The following TCF20 variants were observed in gnomAD, a reference collection of about 807,000 sequenced individuals.
TCF20 encodes the protein SPRE-binding protein.
In TCF20, 3 loss-of-function variants were observed where a neutral mutation model predicts 148.6. That is an observed-to-expected ratio of 0.02 (90% CI 0.01 to 0.05). TCF20 has a LOEUF of 0.05. Among genes scored for constraint, TCF20 ranks in the 10% least tolerant of loss-of-function variants. The probability of loss-of-function intolerance (pLI) is 1.00; values close to 1 mark genes in which losing one functional copy is unlikely to be tolerated. For synonymous variants in TCF20, 1,049 were observed against 909.5 expected, an observed-to-expected ratio of 1.15 and a Z score of -2.76; for missense variants, 2,350 against 2,429.3, an observed-to-expected ratio of 0.97 and a Z score of 0.69.
intron 1 of TCF20, among the ~76,000 whole-genome samples, chr22:42,300,054 C>T (rs1327523394): frequency 6.6e-6 from 1 of 152,138 alleles, no homozygotes; most frequent in African/African-American, 2.4e-5. Flanking sequence ...TGGTTCCTTT[C>T]GTTCCTTCGT....
chr22:42,216,079 CTTTTTTTTTTTTTTTT>C (rs759118027), intron 1 of TCF20, among the ~76,000 whole-genome samples: 3 of 50,564 alleles, frequency 5.9e-5, no homozygotes, highest in Non-Finnish European at 1.1e-4. Flanking sequence ...AAACCAAATC[CTTTTTTTTTTTTTTTT>C]TTTTTTTTTT....
Position 42,214,566 on chromosome 22 carries a change from AAGGAGGAGG to A in TCF20, c.731_739del (p.Ser244_Ser246del). On this transcript the variant is annotated inframe_deletion, in exon 2 of 6. Transcript: ENST00000677622. Reference sequence around the variant, plus strand: ...CTGGCTAAAACGCTGTGGTGAAGGGAAGGAGGAGGAGGAGGAGGAGGAAGCAGAAGACTG... The same window carrying A: ...CTGGCTAAAACGCTGTGGTGAAGGGAAGGAGGAGGAGGAAGCAGAAGACTG... 6.2e-7 allele frequency: 1 copy of A among 1,613,550 alleles called. No homozygotes were observed. The highest frequency in any genetic ancestry group is 8.5e-7 in the Non-Finnish European group (1 of 1,179,776).
intron 1 of TCF20, among the ~76,000 whole-genome samples, chr22:42,233,494 T>C (rs773032026): frequency 1.3e-5 from 2 of 152,230 alleles, no homozygotes; most frequent in Non-Finnish European, 2.9e-5. Flanking sequence ...TAATACCAGC[T>C]TTGCTGACAT....
chr22:42,262,468 A>G (rs910484905), intron 1 of TCF20, among the ~76,000 whole-genome samples: 10 of 152,132 alleles, frequency 6.6e-5, no homozygotes, highest in Non-Finnish European at 1.2e-4. Flanking sequence ...AGAGTTTGTG[A>G]GGAATAAGTG....
Position 42,325,356 on chromosome 22 carries a change from G to A in TCF20, c.-37+18123C>T, listed in dbSNP as rs966107483. On this transcript the variant is annotated intron_variant, in intron 1 of 1. Coordinates refer to the TCF20 transcript ENST00000515426. ...ACCTCCAGGAAAAGTGCCTCTGCCCGGTGGCCCCCACTCAGCCACTCCTCA... is the reference window on the plus strand; with the variant it reads ...ACCTCCAGGAAAAGTGCCTCTGCCCAGTGGCCCCCACTCAGCCACTCCTCA... Among the ~76,000 whole-genome samples, 6 of 152,198 alleles carry A rather than the reference G, an allele frequency of 3.9e-5. No homozygotes were observed. In the East Asian group the frequency reaches 5.8e-4, roughly 15 times the overall value.
chr22:42,213,421 C>G lies in TCF20; in HGVS notation c.1885G>C (p.Glu629Gln), dbSNP rs771512200. 1 of 1,614,224 alleles carries G rather than the reference C, an allele frequency of 6.2e-7. No homozygotes were observed. Among genetic ancestry groups the G allele is most frequent in the Admixed American group, 1.7e-5 (1 of 60,024 alleles). Residue 629 changes from glutamate (E) to glutamine (Q), a missense_variant, in exon 2 of 6, where the codon GAG (glutamate) becomes CAG (glutamine). Glu to Gln is a conservative substitution (Grantham distance 29). This residue lies in a region of TCF20 where 1,641 missense variants were observed against 1,662.6 expected (regional missense o/e 0.99). Transcript: ENST00000677622. ...CTTTGAGTGGCTGCAGGATCATCCT[C>G]TTGGGAGCCTTTATCTTGTCCACCA... ...KPGGQDKGSQ[E>Q]DDPAATQRPP...
At chr22:42,208,859 C>T (rs1405055360) in intron 2 of TCF20, among the ~76,000 whole-genome samples, 1 of 152,308 alleles carries the variant, frequency 6.6e-6, no homozygotes, top group East Asian at 1.9e-4. Flanking sequence ...CATCAGCGTA[C>T]ATAAGATCTC....
intron 2 of TCF20, among the ~76,000 whole-genome samples, chr22:42,200,485 T>C (rs974167645): frequency 6.6e-6 from 1 of 151,804 alleles, no homozygotes; most frequent in Non-Finnish European, 1.5e-5. Context: ...TACTAAAAAA[T>C]ACAAAAATTA....
rs541928744 is a variant in TCF20, at chr22:42,161,274, G to A, written c.*129C>T. 1.4e-4 allele frequency: 218 copies of A among 1,603,952 alleles called. 1 individual carries two copies. In the Middle Eastern group the frequency reaches 2.2e-3, roughly 16 times the overall value. ...GGCAGGCACGCGGGCGGGGCGGGGC[G>A]GGGCAGGGCAGGGTGTGGCTGCACG... On this transcript the variant is annotated 3_prime_UTR_variant, in exon 6 of 6. Coordinates refer to ENST00000677622, the MANE Select transcript of TCF20 (RefSeq NM_001378418.1).
intron 1 of TCF20, among the ~76,000 whole-genome samples, chr22:42,308,326 C>A (rs188965345): frequency 6.6e-6 from 1 of 152,062 alleles, no homozygotes; most frequent in African/African-American, 2.4e-5. Flanking sequence ...GGTTTGGAGG[C>A]GCTTCCTGGA....
At chr22:42,209,451 A>G (rs1287325023) in intron 2 of TCF20, among the ~76,000 whole-genome samples, 200 bp downstream of exon 2, 1 of 152,232 alleles carries the variant, frequency 6.6e-6, no homozygotes. Context: ...CATAAGCATT[A>G]TACATTTCAA....
At chr22:42,320,180 C>T (rs1927706396) in intron 1 of TCF20, among the ~76,000 whole-genome samples, 1 of 152,210 alleles carries the variant, frequency 6.6e-6, no homozygotes. Flanking sequence ...CGCCTTCTGG[C>T]TGTTTCTCAA....
chr22:42,281,268 GA>G (rs1247016557), intron 1 of TCF20, among the ~76,000 whole-genome samples: 2 of 152,216 alleles, frequency 1.3e-5, no homozygotes, highest in African/African-American at 4.8e-5. Flanking sequence ...AAGGCAGCCT[GA>G]GAGAGGCTGG....
chr22:42,226,078 G>A (rs1473122127), intron 1 of TCF20, among the ~76,000 whole-genome samples: 22 of 152,080 alleles, frequency 1.4e-4, no homozygotes. Flanking sequence ...CCCTATCCTG[G>A]CCCCACCCCC....
chr22:42,309,097 G>C (rs1283514607), intron 1 of TCF20, among the ~76,000 whole-genome samples: 1 of 152,122 alleles, frequency 6.6e-6, no homozygotes, highest in African/African-American at 2.4e-5. Context: ...GCCACAGAGA[G>C]GCTGGCCTGG....
At position 42,254,959 on chromosome 22, in the gene TCF20, C is replaced by CA. The variant is rs10625678; in HGVS notation, c.-37+15379dup. 1.0e-2 allele frequency among the ~76,000 whole-genome samples: 625 copies of CA among 62,760 alleles called. 36 individuals are homozygous for CA. The highest frequency in any genetic ancestry group is 0.036 in the African/African-American group (380 of 10,444). The allele number at this position is 62,760 out of a possible 152,430, so 41.2% of individuals were successfully genotyped here. A position where few individuals can be genotyped will look rare whatever the true frequency, so the allele number is the denominator to read the frequency against. ...TGGGTGACACAGCAAGACTCCGTCT[C>CA]AAAAAAAAAAAAAAAAAAAAGGTAG... On this transcript the variant is annotated intron_variant, in intron 1 of 5. Coordinates refer to ENST00000677622, the MANE Select transcript of TCF20 (RefSeq NM_001378418.1).
chr22:42,304,459 G>A lies in TCF20; in HGVS notation c.-37+39020C>T, dbSNP rs554731478. On this transcript the variant is annotated intron_variant, in intron 1 of 1. Transcript: ENST00000515426. ...GCCCCACATCCCCCAGCCTTTCCCC[G>A]CAGAGCCCTCCCAACTCACTGAGAG... is the stretch of plus-strand genomic sequence containing the variant. Among the ~76,000 whole-genome samples the A allele has an allele frequency of 6.6e-5, 10 of 152,258 alleles. 1 individual carries two copies. Among genetic ancestry groups the A allele is most frequent in the Admixed American group, 3.3e-4 (5 of 15,294 alleles).
rs1927117249 is a variant in TCF20 at position 42,290,667 on chromosome 22, C to T, written c.-37+52812G>A. On this transcript the variant is annotated intron_variant, in intron 1 of 1. Transcript: ENST00000515426. The surrounding 1 kb of genome is among the most constrained non-coding windows in gnomAD (Gnocchi z 4.2). Reference sequence around the variant, plus strand: ...GTGCCCCTGAGCCCACTCGCTGTGGCTGCAGCATACACCGCTGGGCCTGCC... The same window carrying T: ...GTGCCCCTGAGCCCACTCGCTGTGGTTGCAGCATACACCGCTGGGCCTGCC... Among the ~76,000 whole-genome samples the T allele has an allele frequency of 2.0e-5, 3 of 152,176 alleles. No individual in the cohort carries two copies. The highest frequency in any genetic ancestry group is 4.4e-5 in the Non-Finnish European group (3 of 68,018).
Position 42,213,605 on chromosome 22 carries a change from T to C in TCF20, c.1701A>G (p.Glu567=). The change falls in exon 2 of 6, where the codon GAA becomes GAG. Residue 567 remains glutamate (E), a synonymous_variant. Coordinates refer to ENST00000677622, the MANE Select transcript of TCF20 (RefSeq NM_001378418.1). Reference sequence around the variant, plus strand: ...CAGGACTAGCATTGAGTCTGGGGGGTTCATTCTGAGCACCTTGTGCCGGTG... The same window carrying C: ...CAGGACTAGCATTGAGTCTGGGGGGCTCATTCTGAGCACCTTGTGCCGGTG... ...GSSPAQGAQN[E]PPRLNASPAA... 2.5e-6 allele frequency: 4 copies of C among 1,613,830 alleles called. No individual in the cohort carries two copies. Among genetic ancestry groups the C allele is most frequent in the Middle Eastern group, 1.6e-4 (1 of 6,062 alleles).
Sources: allele counts gnomAD v4.1 joint callset (sites outside exome capture counted in the v4.1 genomes callset), GRCh38; gene constraint gnomAD v4.1.1; regional missense constraint gnomAD v4.1.1; non-coding constraint Gnocchi (gnomAD v3.1); transcripts MANE v1.5; gene names NCBI Gene and HGNC (gene_info 2026-07-23, HGNC 2026-07-21).